Variants in MGMT observed in about 807,000 individuals in gnomAD.
MGMT encodes O-6-methylguanine-DNA methyltransferase.
Under a neutral mutation model 15.9 loss-of-function variants are expected in MGMT, and 14 were observed. The observed-to-expected ratio is 0.88, with a 90% CI of 0.58 to 1.37. The LOEUF is 1.37. Among genes scored for constraint, MGMT ranks in the 40% most tolerant of loss-of-function variants. MGMT has a pLI of 0.00. For missense variants in MGMT, 282 were observed against 268.1 expected, an observed-to-expected ratio of 1.05 and a Z score of -0.36; for synonymous variants, 130 against 118.2, an observed-to-expected ratio of 1.10 and a Z score of -0.65.
chr10:129,633,565 G>A lies in MGMT; in HGVS notation c.126-74330G>A, dbSNP rs184070031. ...AGTTATATTACTTTTTAAAACTAGC[G>A]ACTTCATTTTATAAAATGACTTTTA... On this transcript the variant is annotated intron_variant, in intron 2 of 4. Coordinates refer to ENST00000651593, the MANE Select transcript of MGMT (RefSeq NM_002412.5). 4.2e-4 allele frequency among the ~76,000 whole-genome samples: 64 copies of A among 152,050 alleles called. 1 individual carries two copies. In the East Asian group the frequency reaches 9.1e-3, roughly 22 times the overall value.
chr10:129,554,805 G>C (rs1458426406), intron 2 of MGMT, among the ~76,000 whole-genome samples: 1 of 152,118 alleles, frequency 6.6e-6, no homozygotes, highest in Non-Finnish European at 1.5e-5. Flanking sequence ...ATGCCAGCCT[G>C]TACTTCCTGG....
At chr10:129,516,707 C>T (rs544124036) in intron 1 of MGMT, among the ~76,000 whole-genome samples, 1 of 152,256 alleles carries the variant, frequency 6.6e-6, no homozygotes, top group African/African-American at 2.4e-5. Flanking sequence ...CACCCCAGCC[C>T]CCACCACCAA....
At chr10:129,666,301 A>G (rs549084596) in intron 2 of MGMT, among the ~76,000 whole-genome samples, 11 of 152,310 alleles carry the variant, frequency 7.2e-5, no homozygotes, top group Admixed American at 3.9e-4. Flanking sequence ...ATCCAGTTAC[A>G]GTTTTGATTC....
rs148570608 is a variant in MGMT, at chr10:129,578,246, C to T, written c.125+41869C>T. On this transcript the variant is annotated intron_variant, in intron 2 of 4. Transcript: ENST00000651593. ...GATACATGTACACGTATGTTTATTG[C>T]AGCACTATTCACAATAGCAAAAACT... Among the ~76,000 whole-genome samples, 1,085 of 152,182 alleles carry T rather than the reference C, an allele frequency of 7.1e-3. 19 individuals are homozygous for T. Among genetic ancestry groups the T allele is most frequent in the African/African-American group, 0.025 (1,050 of 41,508 alleles).
Position 129,676,230 on chromosome 10 carries a change from C to T in MGMT, c.126-31665C>T, listed in dbSNP as rs147994604. Among the ~76,000 whole-genome samples the T allele has an allele frequency of 3.0e-4, 46 of 152,336 alleles. No individual in the cohort carries two copies. The East Asian group carries it at 4.3e-3, about 14-fold the overall frequency. ...GGGCCGGATGTTACTGAGCCTCCTT[C>T]ACTTCCTCTTCCCTGTGGCCGCCCC... On this transcript the variant is annotated intron_variant, in intron 2 of 4. Coordinates refer to ENST00000651593, the MANE Select transcript of MGMT (RefSeq NM_002412.5).
At chr10:129,554,318 TA>T (rs1271687905) in intron 2 of MGMT, among the ~76,000 whole-genome samples, 1 of 152,228 alleles carries the variant, frequency 6.6e-6, no homozygotes, top group Admixed American at 6.5e-5. Flanking sequence ...TCTTTTGGTG[TA>T]ATTCCTTCTA....
chr10:129,759,375 G>A (rs749450720), intron 4 of MGMT, 34 bp downstream of exon 4: 1 of 1,613,452 alleles, frequency 6.2e-7, no homozygotes, highest in Non-Finnish European at 8.5e-7. Flanking sequence ...GGCTGTGGGT[G>A]GCGGGTGCGT....
chr10:129,504,899 G>A (rs906573263), intron 1 of MGMT, among the ~76,000 whole-genome samples: 7 of 151,776 alleles, frequency 4.6e-5, no homozygotes, highest in Non-Finnish European at 1.0e-4. Flanking sequence ...ACCTGATTTT[G>A]TCTAGCCTAG....
At chr10:129,635,771 T>A (rs1394865381) in intron 2 of MGMT, among the ~76,000 whole-genome samples, 3 of 152,230 alleles carry the variant, frequency 2.0e-5, no homozygotes, top group Non-Finnish European at 4.4e-5. Context: ...TAGACAGACA[T>A]GTCTGTTACT....
At chr10:129,588,199 T>A (rs968814382) in intron 2 of MGMT, among the ~76,000 whole-genome samples, 2 of 152,186 alleles carry the variant, frequency 1.3e-5, no homozygotes, top group African/African-American at 4.8e-5. Context: ...CAATACATAG[T>A]GAGCTTGAAA....
At chr10:129,467,669 C>T (rs527604485) in intron 1 of MGMT, among the ~76,000 whole-genome samples, 2 of 152,340 alleles carry the variant, frequency 1.3e-5, no homozygotes, top group East Asian at 1.9e-4. Context: ...GAAGCCCCTG[C>T]GCGGGCCTTG....
At chr10:129,649,625 A>AG (rs1247498316) in intron 2 of MGMT, among the ~76,000 whole-genome samples, 1 of 152,220 alleles carries the variant, frequency 6.6e-6, no homozygotes, top group Non-Finnish European at 1.5e-5. Flanking sequence ...TCAGGTTGAG[A>AG]GAGAGAAAGA....
At chr10:129,528,041 A>G (rs557313831) in intron 1 of MGMT, among the ~76,000 whole-genome samples, 1 of 152,162 alleles carries the variant, frequency 6.6e-6, no homozygotes, top group South Asian at 2.1e-4. Context: ...CAACCCCTTG[A>G]TACAGGCTCT....
At chr10:129,499,703 G>T (rs978184851) in intron 1 of MGMT, among the ~76,000 whole-genome samples, 9 of 152,144 alleles carry the variant, frequency 5.9e-5, no homozygotes, top group African/African-American at 2.2e-4. Context: ...AACATTAAGG[G>T]TGATACAGTA....
rs544277982 is a variant in MGMT, at chr10:129,517,053, C to T, written c.-12-19188C>T. On this transcript the variant is annotated intron_variant, in intron 1 of 4. Coordinates refer to ENST00000651593, the MANE Select transcript of MGMT (RefSeq NM_002412.5). ...GTCCAGCAGTCAGCTGTCTGCGCAT[C>T]CGTCCCTCCCACTCCAGCTTCTCCA... Among the ~76,000 whole-genome samples the T allele has an allele frequency of 2.6e-5, 4 of 152,342 alleles. No homozygotes were observed. The South Asian group carries it at 8.3e-4, about 32-fold the overall frequency.
At chr10:129,592,559 A>AAG (rs1363227776) in intron 2 of MGMT, among the ~76,000 whole-genome samples, 1 of 152,174 alleles carries the variant, frequency 6.6e-6, no homozygotes, top group African/African-American at 2.4e-5. Flanking sequence ...GTTGATTCGG[A>AAG]AGGCTTCAGG....
At chr10:129,539,990 G>A (rs1846026897) in intron 2 of MGMT, among the ~76,000 whole-genome samples, 1 of 152,154 alleles carries the variant, frequency 6.6e-6, no homozygotes, top group East Asian at 1.9e-4. Flanking sequence ...GTCAATTTTG[G>A]GAGGGTTGAC....
chr10:129,519,118 T>G (rs565682336), intron 1 of MGMT, among the ~76,000 whole-genome samples: 1 of 152,290 alleles, frequency 6.6e-6, no homozygotes, highest in East Asian at 1.9e-4. Flanking sequence ...TCTGTCATAA[T>G]TAAGACTCGG....
chr10:129,716,665 T>C (rs535548414), intron 3 of MGMT, among the ~76,000 whole-genome samples: 2 of 152,284 alleles, frequency 1.3e-5, no homozygotes, highest in East Asian at 1.9e-4. Context: ...CCAACAGAAA[T>C]GGCACATTCC....
Sources: allele counts gnomAD v4.1 joint callset (sites outside exome capture counted in the v4.1 genomes callset), GRCh38; gene constraint gnomAD v4.1.1; transcripts MANE v1.5; gene names NCBI Gene and HGNC (gene_info 2026-07-23, HGNC 2026-07-21).